The following RABGGTA variants were observed in gnomAD, a reference collection of about 807,000 sequenced individuals.
RABGGTA encodes geranylgeranyl transferase type-2 subunit alpha.
A neutral mutation model predicts 83.3 loss-of-function variants in RABGGTA; 69 were observed. The ratio of observed to expected loss-of-function variants is 0.83; its 90% CI spans 0.68 to 1.01. The LOEUF (loss-of-function observed/expected upper bound fraction) is 1.01, where lower values mean the gene tolerates loss of function less well. Ranked by LOEUF, RABGGTA falls within the 50% of genes least tolerant of loss-of-function variation. The pLI is 0.00. For synonymous variants in RABGGTA, 310 were observed against 299.8 expected (o/e 1.03, Z -0.35); for missense variants, 681 against 712.7 (o/e 0.96, Z 0.51).
At chr14:24,265,813 T>C (rs2139035112) in intron 16 of RABGGTA, 50 bp from the exon 17 acceptor site, 1 of 1,546,640 alleles carries the variant, frequency 6.5e-7, no homozygotes, top group Non-Finnish European at 8.7e-7. Context: ...CCAATTTATT[T>C]GCTCCTGTGT....
intron 9 of RABGGTA, 45 bp downstream of exon 9, chr14:24,268,680 G>A: frequency 3.8e-6 from 6 of 1,595,532 alleles, no homozygotes; most frequent in African/African-American, 1.3e-5. Flanking sequence ...GTCCCACCCA[G>A]CCCTGCCCCA....
At chr14:24,268,303 T>G in intron 11 of RABGGTA, 66 bp downstream of exon 11, 1 of 1,609,648 alleles carries the variant, frequency 6.2e-7, no homozygotes, top group East Asian at 2.2e-5. Flanking sequence ...CCCAGCCTCC[T>G]GCCCTGGCTG....
At position 24,268,834 on chromosome 14, in the gene RABGGTA, A is replaced by G. The variant is rs1390745710; in HGVS notation, c.799-8T>C. ...CTCCATCCTGGAGCCCACCTGGCAC[A>G]AAGGACAAAGACTTCAGCCCCATCA... On this transcript the variant is annotated splice_region_variant and splice_polypyrimidine_tract_variant and intron_variant, in intron 8 of 16. Coordinates refer to ENST00000216840, the MANE Select transcript of RABGGTA (RefSeq NM_182836.3). The G allele has an allele frequency of 6.4e-7, 1 of 1,564,504 alleles. No homozygotes were observed. The highest frequency in any genetic ancestry group is 2.4e-5 in the East Asian group (1 of 41,816).
At chr14:24,270,171 GC>G (rs780244001) in intron 4 of RABGGTA, 31 bp from the exon 5 acceptor site, 2 of 1,584,846 alleles carry the variant, frequency 1.3e-6, no homozygotes, top group Non-Finnish European at 1.7e-6. Context: ...GGGGGTCAGG[GC>G]TCTCCTACAG....
Position 24,268,893 on chromosome 14 carries a change from A to T in RABGGTA, c.798+18T>A. 6.3e-7 allele frequency: 1 copy of T among 1,579,394 alleles called. No individual in the cohort carries two copies. The highest frequency in any genetic ancestry group is 8.6e-7 in the Non-Finnish European group (1 of 1,162,526). ...CCCACAGTCCCACAGTGCTCTTGAC[A>T]AAAGCTGCAGGACTCACTAAGAGGG... is the stretch of plus-strand genomic sequence containing the variant. On this transcript the variant is annotated intron_variant, in intron 8 of 16. Coordinates refer to ENST00000216840, the MANE Select transcript of RABGGTA (RefSeq NM_182836.3).
At chr14:24,270,742 T>C in intron 3 of RABGGTA, 95 bp downstream of exon 3, 10 of 1,488,606 alleles carry the variant, frequency 6.7e-6, no homozygotes, top group Non-Finnish European at 9.1e-6. Context: ...AACCCAGAAT[T>C]GGATCTAGGC....
chr14:24,265,843 T>G, intron 16 of RABGGTA, 80 bp from the exon 17 acceptor site: 10 of 1,480,644 alleles, frequency 6.8e-6, no homozygotes, highest in Non-Finnish European at 9.0e-6. Flanking sequence ...AGCTGGGGAC[T>G]GCTGCCTGGA....
chr14:24,271,497 AGGAG>A lies in RABGGTA; in HGVS notation c.-69_-66del, dbSNP rs1451472353. ...CGCGGGCGGACCCACCTGCGCTGGG[AGGAG>A]GCGCGGGGGACGCGGAGCTGCGGCG... On this transcript the variant is annotated 5_prime_UTR_variant, in exon 1 of 17. Transcript: ENST00000216840. 1 of 183,212 alleles carries A rather than the reference AGGAG, an allele frequency of 5.5e-6. No individual in the cohort carries two copies. The highest frequency in any genetic ancestry group is 1.1e-5 in the Non-Finnish European group (1 of 88,884). The allele number at this position is 183,212 out of a possible 1,614,324, so 11.3% of individuals were successfully genotyped here.
chr14:24,270,234 A>G, intron 4 of RABGGTA, 94 bp from the exon 5 acceptor site: 1 of 1,562,668 alleles, frequency 6.4e-7, no homozygotes, highest in Non-Finnish European at 8.7e-7. Flanking sequence ...ACTATCCTCC[A>G]TCTATGCCAC....
In RABGGTA at chr14:24,268,616, A is replaced by C. The variant is rs1217568101; in HGVS notation, c.904T>G (p.Cys302Gly). 3 of 1,613,766 alleles carry C rather than the reference A, an allele frequency of 1.9e-6. No homozygotes were observed. Among genetic ancestry groups the C allele is most frequent in the Admixed American group, 3.3e-5 (2 of 60,008 alleles). ...TTGAGGGAGGCAGCAGGCAGGTCAC[A>C]GAGCTGGGAGTACTGGGTCAAGGAA... is the stretch of plus-strand genomic sequence containing the variant. ...GRNRPSHVWL[C>G]DLPAASLNDQ... The change falls in exon 10 of 17, where the codon TGT becomes GGT. Residue 302 changes from cysteine (C) to glycine (G), a missense_variant. Physicochemically the swap from Cys to Gly is radical, Grantham distance 159 (BLOSUM62 -3). Coordinates refer to ENST00000216840, the MANE Select transcript of RABGGTA (RefSeq NM_182836.3).
intron 16 of RABGGTA, among the ~76,000 whole-genome samples, 192 bp from the exon 17 acceptor site, chr14:24,265,955 G>A (rs139238580): frequency 3.1e-3 from 474 of 152,274 alleles, no homozygotes; most frequent in African/African-American, 0.011. Context: ...AGAATGAGCC[G>A]CAACACCCCA....
At position 24,268,794 on chromosome 14, in the gene RABGGTA, C is replaced by G; in HGVS notation, c.831G>C (p.Met277Ile). Residue 277 changes from methionine (M) to isoleucine (I), a missense_variant, in exon 9 of 17, where the codon ATG becomes ATC. Coordinates refer to ENST00000216840, the MANE Select transcript of RABGGTA (RefSeq NM_182836.3). Reference sequence around the variant, plus strand: ...CCACAATCAGGGGAGAATCATCAACCATGAGCAGCAAGATCTCCATCCTGG... The same window carrying G: ...CCACAATCAGGGGAGAATCATCAACGATGAGCAGCAAGATCTCCATCCTGG... ...VGSRMEILLL[M>I]VDDSPLIVEW... The G allele has an allele frequency of 6.4e-7, 1 of 1,573,864 alleles. No individual in the cohort carries two copies.
chr14:24,270,924 C>T lies in RABGGTA; in HGVS notation c.27G>A (p.Thr9=). MHGRLKVK[T]SEEQAEAKRL... ...TTTTGGCCTCCGCCTGCTCTTCTGA[C>T]GTCTTCACCTTCAGGCGTCCGTGCT... The change falls in exon 3 of 17, where the codon ACG becomes ACA. Residue 9 remains threonine, a synonymous_variant. Coordinates refer to ENST00000216840, the MANE Select transcript of RABGGTA (RefSeq NM_182836.3). 6.2e-7 allele frequency: 1 copy of T among 1,614,002 alleles called. No individual in the cohort carries two copies. The highest frequency in any genetic ancestry group is 1.1e-5 in the South Asian group (1 of 91,054).
At position 24,268,581 on chromosome 14, in the gene RABGGTA, C is replaced by T; in HGVS notation, c.939G>A (p.Leu313=). 1 of 1,614,008 alleles carries T rather than the reference C, an allele frequency of 6.2e-7. No individual in the cohort carries two copies. Among genetic ancestry groups the T allele is most frequent in the Non-Finnish European group, 8.5e-7 (1 of 1,179,890 alleles). ...DLPAASLNDQ[L]PQHTFRVIWT... ...AAATGACGCGAAATGTATGTTGGGG[C>T]AACTGGTCGTTGAGGGAGGCAGCAG... The change falls in exon 10 of 17, where the codon TTG becomes TTA. Residue 313 remains leucine, a synonymous_variant. Coordinates refer to ENST00000216840, the MANE Select transcript of RABGGTA (RefSeq NM_182836.3).
Position 24,269,654 on chromosome 14 carries a change from T to A in RABGGTA, c.468A>T (p.Ala156=), listed in dbSNP as rs2040919786. ...CTAGCTCTTCTGCAGGGGGCACGGC[T>A]GCCTGTGTGGCCACAAACCGCCGAT... The part of the protein sequence containing the change: ...WDYRRFVATQ[A]AVPPAEELAF... Residue 156 remains alanine, a synonymous_variant, in exon 6 of 17, where the codon GCA becomes GCT. Transcript: ENST00000216840. The A allele has an allele frequency of 3.1e-6, 5 of 1,613,738 alleles. No individual in the cohort carries two copies. Among genetic ancestry groups the A allele is most frequent in the Non-Finnish European group, 4.2e-6 (5 of 1,179,856 alleles).
chr14:24,269,331 A>C (rs2040914999), intron 6 of RABGGTA, 160 bp downstream of exon 6: 1 of 1,074,564 alleles, frequency 9.3e-7, no homozygotes, highest in Non-Finnish European at 1.3e-6. Flanking sequence ...TCAGACACTT[A>C]AGCTTCCTTC....
rs764918745 is a variant in RABGGTA, at chr14:24,268,060, G to A, written c.1147+50C>T. 3.7e-6 allele frequency: 6 copies of A among 1,607,486 alleles called. No individual in the cohort carries two copies. In the Admixed American group the frequency reaches 8.3e-5, roughly 22 times the overall value. ...TCCTCTCAGGGCCACACTGGAAAGG[G>A]GTTTCCTCAGCGGGCTCTGGGAGCA... On this transcript the variant is annotated intron_variant, in intron 12 of 16. Transcript: ENST00000216840.
chr14:24,268,086 G>C, intron 12 of RABGGTA, 24 bp downstream of exon 12: 3 of 1,612,996 alleles, frequency 1.9e-6, no homozygotes, highest in Non-Finnish European at 2.5e-6. Flanking sequence ...TCTGGGAGCA[G>C]ACTCTCACGG....
At position 24,268,619 on chromosome 14, in the gene RABGGTA, G is replaced by C. The variant is rs1276369931; in HGVS notation, c.901C>G (p.Leu301Val). 1 of 1,613,768 alleles carries C rather than the reference G, an allele frequency of 6.2e-7. No individual in the cohort carries two copies. The highest frequency in any genetic ancestry group is 1.3e-5 in the African/African-American group (1 of 75,032). ...DGRNRPSHVW[L>V]CDLPAASLND... ...AGGGAGGCAGCAGGCAGGTCACAGA[G>C]CTGGGAGTACTGGGTCAAGGAAATG... Residue 301 changes from leucine (L) to valine (V), a missense_variant and splice_region_variant, in exon 10 of 17, where the codon CTC (leucine) becomes GTC (valine). By Grantham distance (32) the Leu-to-Val change is conservative (BLOSUM62 1). Coordinates refer to ENST00000216840, the MANE Select transcript of RABGGTA (RefSeq NM_182836.3).
Sources: allele counts gnomAD v4.1 joint callset (sites outside exome capture counted in the v4.1 genomes callset), GRCh38; gene constraint gnomAD v4.1.1; transcripts MANE v1.5; gene names NCBI Gene and HGNC (gene_info 2026-07-23, HGNC 2026-07-21).